Variants in NFIA observed in about 807,000 individuals in gnomAD.
The protein encoded by NFIA is nuclear factor I A.
NFIA carries 8 observed loss-of-function variants against 62.8 expected under a neutral mutation model. The observed-to-expected ratio is 0.13, with a 90% CI of 0.07 to 0.23. The LOEUF is 0.23. NFIA is among the 10% of genes least tolerant of loss of function. The pLI, the probability that NFIA is intolerant of heterozygous loss-of-function variation, is 1.00. For synonymous variants in NFIA, 235 were observed against 238.1 expected, an observed-to-expected ratio of 0.99 and a Z score of 0.12; for missense variants, 410 against 642.1, an observed-to-expected ratio of 0.64 and a Z score of 3.91.
chr1:61,173,079 C>T (rs334720), intron 2 of NFIA, among the ~76,000 whole-genome samples: 121,411 of 152,104 alleles, frequency 0.8, 50,297 homozygotes, highest in Non-Finnish European at 0.92. Context: ...CAGGGTTTCA[C>T]AGCCACTCAG....
chr1:61,292,395 C>T (rs186682310), intron 3 of NFIA, among the ~76,000 whole-genome samples: 1 of 152,208 alleles, frequency 6.6e-6, no homozygotes, highest in African/African-American at 2.4e-5. Context: ...GAAAATAATA[C>T]ATAATCATAA....
chr1:61,178,397 T>A (rs942272914), intron 2 of NFIA, among the ~76,000 whole-genome samples: 2 of 152,238 alleles, frequency 1.3e-5, no homozygotes, highest in Non-Finnish European at 2.9e-5. Flanking sequence ...GATGAATTTT[T>A]ACTAAGTGCC....
At position 61,161,837 on chromosome 1, in the gene NFIA, T is replaced by A. The variant is rs530746970; in HGVS notation, c.559+73157T>A. Among the ~76,000 whole-genome samples the A allele has an allele frequency of 7.2e-5, 11 of 152,378 alleles. No homozygotes were observed. In the East Asian group the frequency reaches 1.9e-3, roughly 27 times the overall value. On this transcript the variant is annotated intron_variant, in intron 2 of 10. Transcript: ENST00000403491. ...CTATATTGGAACGCTTTAACTTGTG[T>A]TCTTAATAATATCTTTAGGAAAAGA... is the stretch of plus-strand genomic sequence containing the variant.
intron 6 of NFIA, among the ~76,000 whole-genome samples, chr1:61,380,046 GA>G (rs57384894): frequency 0.081 from 12,258 of 152,088 alleles, 575 homozygotes; most frequent in Middle Eastern, 0.12. Context: ...ATATAGCTTA[GA>G]AAAAAATGGC....
chr1:61,407,319 G>T (rs61770558), intron 9 of NFIA, among the ~76,000 whole-genome samples: 1 of 152,148 alleles, frequency 6.6e-6, no homozygotes, highest in African/African-American at 2.4e-5. Flanking sequence ...AGATAGAGGG[G>T]AGAGTAGGAT....
chr1:61,225,623 C>G (rs1018250577), intron 2 of NFIA, among the ~76,000 whole-genome samples: 3 of 149,410 alleles, frequency 2.0e-5, no homozygotes, highest in African/African-American at 7.4e-5. Context: ...TTTTGTATCA[C>G]CAAAAGGAAG....
At chr1:61,366,784 G>T (rs1212770778) in intron 6 of NFIA, among the ~76,000 whole-genome samples, 2 of 152,064 alleles carry the variant, frequency 1.3e-5, no homozygotes, top group East Asian at 3.9e-4. Flanking sequence ...TTAGCTGGGC[G>T]TGGCGGCGCC....
intron 2 of NFIA, among the ~76,000 whole-genome samples, chr1:61,140,246 T>A (rs1453786181): frequency 6.6e-6 from 1 of 151,786 alleles, no homozygotes; most frequent in Non-Finnish European, 1.5e-5. Context: ...GCTTGTTACA[T>A]ACTGATAGCT....
At chr1:61,109,598 G>T (rs1427364254) in intron 2 of NFIA, among the ~76,000 whole-genome samples, 1 of 151,698 alleles carries the variant, frequency 6.6e-6, no homozygotes, top group African/African-American at 2.4e-5. Context: ...AAAAATAATG[G>T]TCAAAAAGTT....
At chr1:61,194,196 T>C (rs1041291256) in intron 2 of NFIA, among the ~76,000 whole-genome samples, 9 of 152,220 alleles carry the variant, frequency 5.9e-5, no homozygotes, top group African/African-American at 2.2e-4. Flanking sequence ...TCCATTAAGA[T>C]GTCATAAAAA....
chr1:61,318,694 T>C (rs1216504598), intron 3 of NFIA, among the ~76,000 whole-genome samples: 1 of 152,160 alleles, frequency 6.6e-6, no homozygotes, highest in South Asian at 2.1e-4. Context: ...CTGTGGCTTG[T>C]TTGGAATAAC....
At chr1:61,255,381 T>C (rs1187806096) in intron 2 of NFIA, among the ~76,000 whole-genome samples, 1 of 152,262 alleles carries the variant, frequency 6.6e-6, no homozygotes, top group Non-Finnish European at 1.5e-5. Flanking sequence ...TCTCTTGGTG[T>C]AAAACCATGA....
chr1:61,176,544 A>G (rs1261544422), intron 2 of NFIA, among the ~76,000 whole-genome samples: 2 of 152,030 alleles, frequency 1.3e-5, no homozygotes, highest in Non-Finnish European at 2.9e-5. Flanking sequence ...CTTCCACTTA[A>G]AGCTTTTTTC....
At chr1:61,228,146 T>C (rs1311785941) in intron 2 of NFIA, among the ~76,000 whole-genome samples, 1 of 152,190 alleles carries the variant, frequency 6.6e-6, no homozygotes, top group Non-Finnish European at 1.5e-5. Context: ...CTGAAGGTTT[T>C]TTTAAACCTA....
At chr1:61,347,165 C>CTTTTTTTTTTTTT (rs869046737) in intron 4 of NFIA, among the ~76,000 whole-genome samples, 1 of 70,110 alleles carries the variant, frequency 1.4e-5, no homozygotes, top group African/African-American at 6.6e-5. Context: ...CTGGATCCCA[C>CTTTTTTTTTTTTT]TTTTTTTTTT....
chr1:61,429,845 G>A (rs995517728), intron 10 of NFIA, among the ~76,000 whole-genome samples: 2 of 152,166 alleles, frequency 1.3e-5, no homozygotes, highest in Non-Finnish European at 2.9e-5. Context: ...ATGATTCTAC[G>A]GATGTGAGGT....
intron 3 of NFIA, among the ~76,000 whole-genome samples, chr1:61,284,727 T>C (rs1658373617): frequency 6.6e-6 from 1 of 152,200 alleles, no homozygotes; most frequent in Middle Eastern, 3.2e-3. Context: ...CCTATTCCCC[T>C]GATTTTCAGG....
chr1:61,397,347 G>T (rs1218789857), intron 7 of NFIA, among the ~76,000 whole-genome samples: 1 of 152,022 alleles, frequency 6.6e-6, no homozygotes, highest in African/African-American at 2.4e-5. Context: ...TATTTTCAAG[G>T]CCCTCATGTC....
intron 2 of NFIA, among the ~76,000 whole-genome samples, chr1:61,213,045 A>G (rs372827291): frequency 2.6e-5 from 4 of 152,084 alleles, no homozygotes; most frequent in Middle Eastern, 3.2e-3. Flanking sequence ...GACTTTTCCT[A>G]TGTTCTGTGG....
Sources: allele counts gnomAD v4.1 joint callset (sites outside exome capture counted in the v4.1 genomes callset), GRCh38; gene constraint gnomAD v4.1.1; transcripts MANE v1.5; gene names NCBI Gene and HGNC (gene_info 2026-07-23, HGNC 2026-07-21).